Variants in CNTN1 observed in about 807,000 individuals in gnomAD.
CNTN1 encodes the protein contactin-1.
In CNTN1, 38 loss-of-function variants were observed where a neutral mutation model predicts 126.4. The observed-to-expected ratio is 0.30, with a 90% CI of 0.23 to 0.39. The LOEUF (loss-of-function observed/expected upper bound fraction) is 0.39. Among genes scored for constraint, CNTN1 ranks in the 10% least tolerant of loss-of-function variants. The pLI, the probability that CNTN1 is intolerant of heterozygous loss-of-function variation, is 1.00. For synonymous variants in CNTN1, 413 were observed against 422.6 expected, an observed-to-expected ratio of 0.98 and a Z score of 0.28; for missense variants, 1,009 against 1,248.4, an observed-to-expected ratio of 0.81 and a Z score of 2.89.
chr12:40,741,858 A>G (rs1937955903), intron 1 of CNTN1, among the ~76,000 whole-genome samples: 1 of 152,086 alleles, frequency 6.6e-6, no homozygotes, highest in Admixed American at 6.6e-5. Context: ...AAATTCTAGA[A>G]ATGAATTCAT....
chr12:40,898,095 G>T (rs2136757490), intron 1 of CNTN1, among the ~76,000 whole-genome samples: 1 of 151,994 alleles, frequency 6.6e-6, no homozygotes, highest in East Asian at 1.9e-4. Flanking sequence ...TTTGTTTTTA[G>T]TAATTTCTCA....
intron 1 of CNTN1, among the ~76,000 whole-genome samples, chr12:40,753,732 C>A (rs1592049979): frequency 6.6e-6 from 1 of 152,028 alleles, no homozygotes; most frequent in Non-Finnish European, 1.5e-5. Context: ...CATAGCCAAA[C>A]CATATCATTA....
intron 1 of CNTN1, among the ~76,000 whole-genome samples, chr12:40,823,620 A>G (rs1941517136): frequency 6.6e-6 from 1 of 152,154 alleles, no homozygotes. Context: ...TCAAATATTA[A>G]CAGAAGTCTT....
intron 23 of CNTN1, among the ~76,000 whole-genome samples, chr12:41,036,691 T>C (rs1391300403): frequency 6.6e-6 from 1 of 152,140 alleles, no homozygotes; most frequent in Non-Finnish European, 1.5e-5. Flanking sequence ...ATTTAGTTAC[T>C]TCCCATATTT....
intron 1 of CNTN1, among the ~76,000 whole-genome samples, chr12:40,908,003 GT>G (rs1322455282): frequency 1.3e-5 from 2 of 152,108 alleles, no homozygotes; most frequent in African/African-American, 4.8e-5. Flanking sequence ...GTTTACAACT[GT>G]GCTATTTGTA....
At chr12:40,735,776 C>T (rs1157930240) in intron 1 of CNTN1, among the ~76,000 whole-genome samples, 1 of 152,000 alleles carries the variant, frequency 6.6e-6, no homozygotes, top group East Asian at 1.9e-4. Context: ...TCAGACACAG[C>T]CAGCCAAATG....
At chr12:40,869,849 A>G (rs1269015995) in intron 1 of CNTN1, among the ~76,000 whole-genome samples, 1 of 152,300 alleles carries the variant, frequency 6.6e-6, no homozygotes, top group Admixed American at 6.5e-5. Context: ...TACTCTGAAG[A>G]CAATTATTAT....
At chr12:40,854,123 T>C (rs1260305498) in intron 1 of CNTN1, among the ~76,000 whole-genome samples, 1 of 151,376 alleles carries the variant, frequency 6.6e-6, no homozygotes, top group East Asian at 1.9e-4. Context: ...GATATAATGA[T>C]AAGTAAATAG....
chr12:41,019,399 C>T (rs1336429915), intron 19 of CNTN1, among the ~76,000 whole-genome samples: 1 of 151,948 alleles, frequency 6.6e-6, no homozygotes. Flanking sequence ...TCTCATAAAA[C>T]TTGCATGTGT....
Position 40,735,660 on chromosome 12 carries a change from A to G in CNTN1, c.-77+43068A>G, listed in dbSNP as rs141765514. Among the ~76,000 whole-genome samples the G allele has an allele frequency of 4.8e-3, 737 of 152,244 alleles. 7 individuals are homozygous for G. The highest frequency in any genetic ancestry group is 0.017 in the African/African-American group (702 of 41,566). On this transcript the variant is annotated intron_variant, in intron 1 of 23. Coordinates refer to ENST00000551295, the MANE Select transcript of CNTN1 (RefSeq NM_001843.4). ...CCATGTTTTTGACAAAAATAGGGAT[A>G]TCTATAATCTTGAATCACAATTTAA...
Position 41,019,765 on chromosome 12 carries a change from T to G in CNTN1, c.2420-572T>G, listed in dbSNP as rs954790701. The stretch of plus-strand genomic sequence containing the variant: ...ACTTGTTTCAAAGGCTCTTAAAAAT[T>G]TTTTTTTAAAGATCTTAGCTTGAAC... On this transcript the variant is annotated intron_variant, in intron 19 of 23. Transcript: ENST00000551295. Among the ~76,000 whole-genome samples the G allele has an allele frequency of 2.6e-5, 4 of 152,008 alleles. No homozygotes were observed. The East Asian group carries it at 7.7e-4, about 29-fold the overall frequency.
chr12:41,072,270 T>C lies in CNTN1; in HGVS notation c.*2235T>C, dbSNP rs967404690. On this transcript the variant is annotated 3_prime_UTR_variant, in exon 24 of 24. Transcript: ENST00000551295. Reference sequence around the variant, plus strand: ...ATTTCAGGAAAGGTGATAGTAGTTTTATTTGATACTGATAAATATTGAATT... The same window carrying C: ...ATTTCAGGAAAGGTGATAGTAGTTTCATTTGATACTGATAAATATTGAATT... 14 of 152,238 alleles carry C rather than the reference T, an allele frequency of 9.2e-5. No homozygotes were observed. The highest frequency in any genetic ancestry group is 3.4e-4 in the African/African-American group (14 of 41,472). 9.4% of individuals were successfully genotyped at this position (152,238 alleles called of 1,614,324 possible).
chr12:40,966,218 G>A (rs1947304054), intron 15 of CNTN1, among the ~76,000 whole-genome samples: 1 of 152,038 alleles, frequency 6.6e-6, no homozygotes, highest in Admixed American at 6.6e-5. Context: ...CACTTGCTCT[G>A]GCCAACGAAG....
chr12:40,883,419 A>C (rs183721376), intron 1 of CNTN1, among the ~76,000 whole-genome samples: 1 of 151,744 alleles, frequency 6.6e-6, no homozygotes, highest in Admixed American at 6.6e-5. Context: ...TAAGCGTCAT[A>C]ATATTTCAAA....
At chr12:40,696,090 C>T (rs530473909) in intron 1 of CNTN1, among the ~76,000 whole-genome samples, 3 of 152,260 alleles carry the variant, frequency 2.0e-5, no homozygotes, top group South Asian at 2.1e-4. Flanking sequence ...TGAGATAATG[C>T]GTGTTAAACA....
At position 41,017,000 on chromosome 12, in the gene CNTN1, CCTTA is replaced by C. The variant is rs1257956111; in HGVS notation, c.2419+89_2419+92del. 7 of 1,171,310 alleles carry C rather than the reference CCTTA, an allele frequency of 6.0e-6. No individual in the cohort carries two copies. The Admixed American group carries it at 1.1e-4, about 18-fold the overall frequency. 72.6% of individuals were successfully genotyped at this position (1,171,310 alleles called of 1,614,324 possible). A position where few individuals can be genotyped will look rare whatever the true frequency, so the allele number is the denominator to read the frequency against. On this transcript the variant is annotated intron_variant, in intron 19 of 23. Transcript: ENST00000551295. The stretch of plus-strand genomic sequence containing the variant: ...GGCATTTAGTTTGTTTCCTTTCAGG[CCTTA>C]CTTATTAAGACCTTTTTATAGCATT...
rs531775590 is a variant in CNTN1, at chr12:41,043,733, A to G, written c.2980+14514A>G. Among the ~76,000 whole-genome samples, 190 of 152,076 alleles carry G rather than the reference A, an allele frequency of 1.2e-3. 1 individual carries two copies. The highest frequency in any genetic ancestry group is 2.2e-3 in the Non-Finnish European group (152 of 67,996). On this transcript the variant is annotated intron_variant, in intron 23 of 23. Coordinates refer to ENST00000551295, the MANE Select transcript of CNTN1 (RefSeq NM_001843.4). The stretch of plus-strand genomic sequence containing the variant: ...ATAGAGGCACTATTCCCAATAGCAA[A>G]GACTTGGAACCAACCCAAATGTCCA...
chr12:40,829,901 A>G (rs1366290087), intron 1 of CNTN1, among the ~76,000 whole-genome samples: 1 of 152,156 alleles, frequency 6.6e-6, no homozygotes, highest in Non-Finnish European at 1.5e-5. Context: ...AAACTTAAAG[A>G]TATTTATTGC....
At chr12:40,800,467 G>A (rs1940603369) in intron 1 of CNTN1, among the ~76,000 whole-genome samples, 1 of 151,962 alleles carries the variant, frequency 6.6e-6, no homozygotes, top group Admixed American at 6.6e-5. Flanking sequence ...GGAGGAAAAA[G>A]TGCTCTTTAA....
Sources: allele counts gnomAD v4.1 joint callset (sites outside exome capture counted in the v4.1 genomes callset), GRCh38; gene constraint gnomAD v4.1.1; transcripts MANE v1.5; gene names NCBI Gene and HGNC (gene_info 2026-07-23, HGNC 2026-07-21).